The following NCKAP5 variants were observed in gnomAD, a reference collection of about 807,000 sequenced individuals.
NCKAP5 encodes the protein NCK associated protein 5, also known as nck-associated protein 5.
A neutral mutation model predicts 167.0 loss-of-function variants in NCKAP5; 92 were observed. The ratio of observed to expected loss-of-function variants is 0.55; its 90% CI spans 0.47 to 0.66. The LOEUF (loss-of-function observed/expected upper bound fraction) is 0.66, where lower values mean the gene tolerates loss of function less well. Among genes scored for constraint, NCKAP5 ranks in the 30% least tolerant of loss-of-function variants. The probability of loss-of-function intolerance (pLI) is 0.00; values close to 1 mark genes in which losing one functional copy is unlikely to be tolerated. For missense variants in NCKAP5, 2,378 were observed against 2,315.0 expected, an observed-to-expected ratio of 1.03 and a Z score of -0.56; for synonymous variants, 891 against 877.4, an observed-to-expected ratio of 1.02 and a Z score of -0.27.
At chr2:133,656,734 A>G in the NCKAP5 span, among the ~76,000 whole-genome samples, 1 of 152,168 alleles carries the variant, frequency 6.6e-6, no homozygotes, top group Non-Finnish European at 1.5e-5. Context: ...TCTCTCCATT[A>G]GTTGGGATTC....
the NCKAP5 span, among the ~76,000 whole-genome samples, chr2:133,628,124 T>A: frequency 6.6e-6 from 1 of 152,148 alleles, no homozygotes; most frequent in South Asian, 2.1e-4. Flanking sequence ...TTCAACATAG[T>A]AATGGAAGTT....
intron 5 of NCKAP5, among the ~76,000 whole-genome samples, chr2:133,194,466 G>T (rs988832930): frequency 6.6e-6 from 1 of 151,964 alleles, no homozygotes; most frequent in Non-Finnish European, 1.5e-5. Context: ...GTTTAATTAC[G>T]TGTAGGACAA....
chr2:132,850,637 C>T (rs1689004342), intron 11 of NCKAP5, among the ~76,000 whole-genome samples: 1 of 152,148 alleles, frequency 6.6e-6, no homozygotes, highest in Non-Finnish European at 1.5e-5. Context: ...TTTGACCACA[C>T]TGGCCTTCAG....
Position 133,092,995 on chromosome 2 carries a change from C to T in NCKAP5, c.341+36983G>A, listed in dbSNP as rs2081237504. ...TTGTTTGCTTTTGCAGTTCCTGCCT[C>T]TTTCTAGTTACATGCTGAGCTCTGT... On this transcript the variant is annotated intron_variant, in intron 6 of 19. Transcript: ENST00000409261. Among the ~76,000 whole-genome samples the T allele has an allele frequency of 2.0e-5, 3 of 152,178 alleles. No individual in the cohort carries two copies. The South Asian group carries it at 6.2e-4, about 31-fold the overall frequency.
chr2:133,293,395 C>G (rs1010857802), intron 4 of NCKAP5, among the ~76,000 whole-genome samples: 5 of 152,182 alleles, frequency 3.3e-5, no homozygotes, highest in African/African-American at 1.2e-4. Context: ...ATATCACATA[C>G]AGGTGACCTA....
At chr2:133,160,877 T>C (rs551042778) in intron 5 of NCKAP5, among the ~76,000 whole-genome samples, 3 of 152,270 alleles carry the variant, frequency 2.0e-5, no homozygotes, top group Non-Finnish European at 2.9e-5. Flanking sequence ...TAGTAAACTG[T>C]CTTATGCTTA....
intron 4 of NCKAP5, among the ~76,000 whole-genome samples, chr2:133,289,879 C>T (rs1325499711): frequency 6.6e-6 from 1 of 152,146 alleles, no homozygotes; most frequent in East Asian, 1.9e-4. Flanking sequence ...GCACATCTTA[C>T]ATGGCCAGAG....
chr2:133,003,283 C>A (rs2077850886), intron 6 of NCKAP5, among the ~76,000 whole-genome samples: 1 of 152,206 alleles, frequency 6.6e-6, no homozygotes, highest in South Asian at 2.1e-4. Flanking sequence ...ATTTCTCATT[C>A]TAATTCCATT....
intron 5 of NCKAP5, among the ~76,000 whole-genome samples, chr2:133,174,865 C>T (rs1009847030): frequency 3.9e-5 from 6 of 152,076 alleles, no homozygotes; most frequent in East Asian, 3.9e-4. Context: ...TCTACACCAC[C>T]GCAGATGCAT....
At chr2:133,622,537 A>G in the NCKAP5 span, among the ~76,000 whole-genome samples, 3 of 152,058 alleles carry the variant, frequency 2.0e-5, no homozygotes, top group African/African-American at 7.2e-5. Context: ...CTTTCACCAT[A>G]GCTGCAAACA....
At chr2:132,894,719 C>T (rs958668618) in intron 8 of NCKAP5, among the ~76,000 whole-genome samples, 1 of 152,132 alleles carries the variant, frequency 6.6e-6, no homozygotes, top group African/African-American at 2.4e-5. Context: ...GAGCTCTGGC[C>T]TTCCCACTCA....
At chr2:132,729,526 G>A (rs1690780247) in intron 17 of NCKAP5, among the ~76,000 whole-genome samples, 1 of 152,130 alleles carries the variant, frequency 6.6e-6, no homozygotes, top group South Asian at 2.1e-4. Context: ...TGTACATATG[G>A]ATCAGCTGAG....
chr2:133,202,404 T>A (rs538151509), intron 5 of NCKAP5, among the ~76,000 whole-genome samples: 1 of 152,326 alleles, frequency 6.6e-6, no homozygotes, highest in South Asian at 2.1e-4. Flanking sequence ...GATTAAAGAC[T>A]TAAATGTTAG....
chr2:132,890,696 T>TA (rs1270470622), intron 8 of NCKAP5, among the ~76,000 whole-genome samples: 1 of 152,164 alleles, frequency 6.6e-6, no homozygotes, highest in East Asian at 1.9e-4. Flanking sequence ...AATTCAAACT[T>TA]ACGGGGTTTC....
intron 16 of NCKAP5, among the ~76,000 whole-genome samples, chr2:132,767,592 A>G (rs994416199): frequency 5.9e-5 from 9 of 152,234 alleles, no homozygotes; most frequent in African/African-American, 2.2e-4. Flanking sequence ...TCTTGTTACA[A>G]TACAAATATG....
intron 10 of NCKAP5, among the ~76,000 whole-genome samples, chr2:132,864,060 C>T (rs540486372): frequency 6.6e-6 from 1 of 152,294 alleles, no homozygotes; most frequent in South Asian, 2.1e-4. Context: ...CTGACCCTGC[C>T]AGTTCAGAGG....
intron 8 of NCKAP5, among the ~76,000 whole-genome samples, chr2:132,883,902 A>C (rs938685912): frequency 1.3e-5 from 2 of 152,194 alleles, no homozygotes; most frequent in East Asian, 3.8e-4. Flanking sequence ...CTAGTTTGTT[A>C]CTTTAATCAA....
intron 11 of NCKAP5, among the ~76,000 whole-genome samples, chr2:132,811,723 G>A (rs989891254): frequency 6.6e-6 from 1 of 152,120 alleles, no homozygotes; most frequent in African/African-American, 2.4e-5. Flanking sequence ...AAAAAGGCTT[G>A]GTTCTTCCCC....
intron 6 of NCKAP5, among the ~76,000 whole-genome samples, chr2:133,100,896 CTTTAG>C (rs1177919380): frequency 6.6e-6 from 1 of 152,120 alleles, no homozygotes; most frequent in African/African-American, 2.4e-5. Context: ...TGCAGAAGCT[CTTTAG>C]TTTAATTAGA....
Sources: gnomAD v4.1 joint callset for allele counts (sites outside exome capture counted in the v4.1 genomes callset) on GRCh38, gnomAD v4.1.1 for gene constraint, MANE v1.5 for transcripts, NCBI Gene and HGNC (gene_info 2026-07-23, HGNC 2026-07-21) for gene names.